The following MAX variants were observed in gnomAD, a reference collection of about 807,000 sequenced individuals.
MAX encodes protein max.
Under a neutral mutation model 22.3 loss-of-function variants are expected in MAX, and 3 were observed. The observed-to-expected ratio is 0.13, with a 90% CI of 0.06 to 0.35. The LOEUF (loss-of-function observed/expected upper bound fraction) is 0.35. Ranked by LOEUF, MAX falls within the 10% of genes least tolerant of loss-of-function variation. The pLI is 1.00. For synonymous variants in MAX, 72 were observed against 77.7 expected, an observed-to-expected ratio of 0.93 and a Z score of 0.39; for missense variants, 119 against 209.4, an observed-to-expected ratio of 0.57 and a Z score of 2.66.
At position 65,040,727 on chromosome 14, in the gene MAX, G is replaced by T. The variant is rs914042472; in HGVS notation, c.172-34443C>A. 24 of 1,568,872 alleles carry T rather than the reference G, an allele frequency of 1.5e-5. No homozygotes were observed. In the African/African-American group the frequency reaches 3.1e-4, roughly 20 times the overall value. On this transcript the variant is annotated intron_variant, in intron 3 of 3. Coordinates refer to the MAX transcript ENST00000341653. Reference sequence around the variant, plus strand: ...AACTTTTTCTCTGCCACCTAGGATGGTCCTGGTCTTGTGTACGTCCACTCA... The same window carrying T: ...AACTTTTTCTCTGCCACCTAGGATGTTCCTGGTCTTGTGTACGTCCACTCA...
At chr14:65,085,973 C>G (rs1166511598) in intron 3 of MAX, among the ~76,000 whole-genome samples, 1 of 152,166 alleles carries the variant, frequency 6.6e-6, no homozygotes, top group Non-Finnish European at 1.5e-5. Context: ...GGGGAGGAAC[C>G]TAGTGAGCAG....
chr14:65,067,577 C>T (rs749429526), intron 3 of MAX, among the ~76,000 whole-genome samples: 1 of 151,116 alleles, frequency 6.6e-6, no homozygotes, highest in East Asian at 1.9e-4. Flanking sequence ...TAGAACATCC[C>T]TCAGGTGGGA....
In MAX at chr14:65,012,227, T is replaced by G; in HGVS notation, c.172-5943A>C. ...TGCAGGGGGACGTCCTGAAGCTGAGTGTTTACCCGTGTGTGTGTACGTGCA... is the reference window on the plus strand; with the variant it reads ...TGCAGGGGGACGTCCTGAAGCTGAGGGTTTACCCGTGTGTGTGTACGTGCA... On this transcript the variant is annotated intron_variant, in intron 3 of 3. Transcript: ENST00000341653. The surrounding 1 kb of genome is among the most constrained non-coding windows in gnomAD (Gnocchi z 5.0). 5.2e-6 allele frequency: 8 copies of G among 1,524,308 alleles called. 1 individual carries two copies. The South Asian group carries it at 9.1e-5, about 17-fold the overall frequency. The allele number at this position is 1,524,308 out of a possible 1,614,324, so 94.4% of individuals were successfully genotyped here.
Position 65,023,411 on chromosome 14 carries a change from TC to T in MAX, c.172-17128del, listed in dbSNP as rs1172032373. ...CATCACCTAAGAGTCCCAAGTAAAC[TC>T]CTTATAAGGCTGAGAGGCAATCGCT... On this transcript the variant is annotated intron_variant, in intron 3 of 3. Transcript: ENST00000341653. This position sits in a 1 kb window ranked among gnomAD's most constrained non-coding sequence, Gnocchi z 4.1. Among the ~76,000 whole-genome samples the T allele has an allele frequency of 6.6e-6, 1 of 152,118 alleles. No homozygotes were observed. The highest frequency in any genetic ancestry group is 2.4e-5 in the African/African-American group (1 of 41,426).
In MAX at chr14:65,062,959, G is replaced by GC. The variant is rs1467356522; in HGVS notation, c.171+30748dup. Among the ~76,000 whole-genome samples, 1 of 152,228 alleles carries GC rather than the reference G, an allele frequency of 6.6e-6. No homozygotes were observed. The highest frequency in any genetic ancestry group is 2.4e-5 in the African/African-American group (1 of 41,460). ...CAGACAGCAAGGACTGGGCCTAGTA[G>GC]CCCCAGAGCAGGCTGACTTAGCAAG... On this transcript the variant is annotated intron_variant, in intron 3 of 3. Transcript: ENST00000341653. This position sits in a 1 kb window ranked among gnomAD's most constrained non-coding sequence, Gnocchi z 4.3.
Position 65,060,651 on chromosome 14 carries a change from C to G in MAX, c.171+33057G>C, listed in dbSNP as rs1282727833. On this transcript the variant is annotated intron_variant, in intron 3 of 3. Coordinates refer to the MAX transcript ENST00000341653. ...GCGGAGCTTGCAGTGAGCCGAGATC[C>G]CGCCACTGCACTCCAGCCTGGGCGA... is the stretch of plus-strand genomic sequence containing the variant. 9.1e-5 allele frequency among the ~76,000 whole-genome samples: 9 copies of G among 98,980 alleles called. 1 individual carries two copies. In the East Asian group the frequency reaches 1.9e-3, roughly 21 times the overall value. The allele number at this position is 98,980 out of a possible 152,430, so 64.9% of individuals were successfully genotyped here.
At chr14:65,055,852 A>G (rs1316315780) in intron 3 of MAX, among the ~76,000 whole-genome samples, 1 of 152,166 alleles carries the variant, frequency 6.6e-6, no homozygotes, top group Non-Finnish European at 1.5e-5. Context: ...AACATTTCAA[A>G]TGGAAGAAAC....
chr14:65,065,440 T>C (rs530730529), intron 3 of MAX, among the ~76,000 whole-genome samples: 115 of 152,186 alleles, frequency 7.6e-4, no homozygotes, highest in Non-Finnish European at 1.4e-3. Context: ...CTCGTCGTTG[T>C]GTGAACATCA....
Position 65,007,089 on chromosome 14 carries a change from T to C in MAX, c.172-805A>G, listed in dbSNP as rs2061606642. Among the ~76,000 whole-genome samples the C allele has an allele frequency of 6.6e-6, 1 of 152,216 alleles. No individual in the cohort carries two copies. The highest frequency in any genetic ancestry group is 1.5e-5 in the Non-Finnish European group (1 of 68,042). ...GTGTTTTAAAGGATGCTAATTAATATTGGAGATACTATACATTTTGGCTGA... is the reference window on the plus strand; with the variant it reads ...GTGTTTTAAAGGATGCTAATTAATACTGGAGATACTATACATTTTGGCTGA... On this transcript the variant is annotated intron_variant, in intron 3 of 3. Transcript: ENST00000341653. This position sits in a 1 kb window ranked among gnomAD's most constrained non-coding sequence, Gnocchi z 4.9.
Position 65,012,697 on chromosome 14 carries a change from C to G in MAX, c.172-6413G>C, listed in dbSNP as rs565213043. 3.9e-5 allele frequency among the ~76,000 whole-genome samples: 6 copies of G among 152,322 alleles called. No individual in the cohort carries two copies. The South Asian group carries it at 1.2e-3, about 32-fold the overall frequency. ...TTGACAGCTGGCTAAATGCCAGTTA[C>G]CTGTTCACCCTTAACCCTTTGCCCT... On this transcript the variant is annotated intron_variant, in intron 3 of 3. Transcript: ENST00000341653. The surrounding 1 kb of genome is among the most constrained non-coding windows in gnomAD (Gnocchi z 5.0).
Position 65,007,629 on chromosome 14 carries a change from A to G in MAX, c.172-1345T>C, listed in dbSNP as rs1053673275. ...ACTGTCTACCTGGAGTGAGGTAGTC[A>G]GTCCCAAGGAGCTTTTTGACCATGC... On this transcript the variant is annotated intron_variant, in intron 3 of 3. Coordinates refer to the MAX transcript ENST00000341653. The surrounding 1 kb of genome is among the most constrained non-coding windows in gnomAD (Gnocchi z 4.9). 6.6e-6 allele frequency among the ~76,000 whole-genome samples: 1 copy of G among 152,198 alleles called. No individual in the cohort carries two copies. The highest frequency in any genetic ancestry group is 2.4e-5 in the African/African-American group (1 of 41,446).
At chr14:65,053,327 G>A (rs2062654080) in intron 3 of MAX, 2 of 1,440,142 alleles carry the variant, frequency 1.4e-6, no homozygotes, top group African/African-American at 1.5e-5. Flanking sequence ...CCCTGCGGGG[G>A]GGCTTCTGGA....
chr14:65,097,443 A>T (rs995749810), intron 2 of MAX, among the ~76,000 whole-genome samples: 1 of 152,232 alleles, frequency 6.6e-6, no homozygotes, highest in Non-Finnish European at 1.5e-5. Context: ...ATGCTTCATT[A>T]TTCCAGGATG....
rs2061892040 is a variant in MAX at position 65,021,846 on chromosome 14, A to T, written c.172-15562T>A. 78 of 438,424 alleles carry T rather than the reference A, an allele frequency of 1.8e-4. 1 individual carries two copies. Among genetic ancestry groups the T allele is most frequent in the South Asian group, 1.2e-3 (76 of 63,034 alleles). 27.2% of individuals were successfully genotyped at this position (438,424 alleles called of 1,614,324 possible). A position where few individuals can be genotyped will look rare whatever the true frequency, so the allele number is the denominator to read the frequency against. On this transcript the variant is annotated intron_variant, in intron 3 of 3. Coordinates refer to the MAX transcript ENST00000341653. ...TTTTTAGTAGAGATGGGGTTTCACCATGTTGGCCAGGCTGGTCTCAAACTC... is the reference window on the plus strand; with the variant it reads ...TTTTTAGTAGAGATGGGGTTTCACCTTGTTGGCCAGGCTGGTCTCAAACTC...
Position 65,062,165 on chromosome 14 carries a change from T to TTCTA in MAX, c.171+31539_171+31542dup, listed in dbSNP as rs775070135. The TTCTA allele has an allele frequency of 6.6e-6, 1 of 152,438 alleles. No individual in the cohort carries two copies. The highest frequency in any genetic ancestry group is 1.5e-5 in the Non-Finnish European group (1 of 68,196). 9.4% of individuals were successfully genotyped at this position (152,438 alleles called of 1,614,324 possible). On this transcript the variant is annotated intron_variant, in intron 3 of 3. Transcript: ENST00000341653. This position sits in a 1 kb window ranked among gnomAD's most constrained non-coding sequence, Gnocchi z 4.3. ...TGCAGGCCGAGGCCCTTCTGGGGGT[T>TTCTA]TCTATCTTTCTTCCACCAGACTCCA...
In MAX at chr14:65,075,617, C is replaced by CA. The variant is rs1286294702; in HGVS notation, c.*858dup. The stretch of plus-strand genomic sequence containing the variant: ...TCATCAGAAATAGGTACAATTCACT[C>CA]AGATTCAAATTTAAGTAGCAGGAAA... On this transcript the variant is annotated 3_prime_UTR_variant, in exon 5 of 5. Coordinates refer to ENST00000358664, the MANE Select transcript of MAX (RefSeq NM_002382.5). The surrounding 1 kb of genome is among the most constrained non-coding windows in gnomAD (Gnocchi z 4.1). 4 of 1,066,274 alleles carry CA rather than the reference C, an allele frequency of 3.8e-6. No homozygotes were observed. Among genetic ancestry groups the CA allele is most frequent in the Non-Finnish European group, 4.5e-6 (4 of 879,726 alleles). The allele number at this position is 1,066,274 out of a possible 1,614,324, so 66.1% of individuals were successfully genotyped here.
chr14:65,093,972 T>C lies in MAX; in HGVS notation c.64-157A>G, dbSNP rs2063586853. The C allele has an allele frequency of 2.9e-6, 2 of 691,086 alleles. No individual in the cohort carries two copies. Among genetic ancestry groups the C allele is most frequent in the Non-Finnish European group, 5.3e-6 (2 of 375,136 alleles). The allele number at this position is 691,086 out of a possible 1,614,324, so 42.8% of individuals were successfully genotyped here. ...GGTGGGCAGTTAGGAGTCTCCAGAATTAGGCTCTGCTAAAGGGGGAGAAAG... is the reference window on the plus strand; with the variant it reads ...GGTGGGCAGTTAGGAGTCTCCAGAACTAGGCTCTGCTAAAGGGGGAGAAAG... On this transcript the variant is annotated intron_variant, in intron 2 of 4. Transcript: ENST00000358664. The surrounding 1 kb of genome is among the most constrained non-coding windows in gnomAD (Gnocchi z 4.4).
chr14:65,074,149 CT>C (rs1318210653), downstream of MAX, among the ~76,000 whole-genome samples: 1 of 152,182 alleles, frequency 6.6e-6, no homozygotes, highest in Non-Finnish European at 1.5e-5. Context: ...CAACTGTATA[CT>C]TAAGCCCAGA....
intron 1 of MAX, 111 bp downstream of exon 1, chr14:65,102,193 G>T (rs2063868059): frequency 6.4e-7 from 1 of 1,556,806 alleles, no homozygotes; most frequent in Admixed American, 1.9e-5. Context: ...CGAGGGGAAG[G>T]GGAAGGAGGC....
Sources: allele counts gnomAD v4.1 joint callset (sites outside exome capture counted in the v4.1 genomes callset), GRCh38; gene constraint gnomAD v4.1.1; non-coding constraint Gnocchi (gnomAD v3.1); transcripts MANE v1.5; gene names NCBI Gene and HGNC (gene_info 2026-07-23, HGNC 2026-07-21).